IMMP2L: variants seen among roughly 807,000 people sequenced by gnomAD.
IMMP2L encodes the protein mitochondrial inner membrane protease subunit 2.
A neutral mutation model predicts 19.3 loss-of-function variants in IMMP2L; 18 were observed. That is an observed-to-expected ratio of 0.93 (90% CI 0.64 to 1.38). The LOEUF (loss-of-function observed/expected upper bound fraction) is 1.38. Ranked by LOEUF, IMMP2L falls within the 40% of genes most tolerant of loss-of-function variation. The probability of loss-of-function intolerance (pLI) is 0.00; values close to 1 mark genes in which losing one functional copy is unlikely to be tolerated. For synonymous variants in IMMP2L, 76 were observed against 73.0 expected, an observed-to-expected ratio of 1.04 and a Z score of -0.21; for missense variants, 233 against 218.2, an observed-to-expected ratio of 1.07 and a Z score of -0.43.
chr7:110,980,182 C>T (rs945915204), intron 3 of IMMP2L, among the ~76,000 whole-genome samples: 24 of 147,976 alleles, frequency 1.6e-4, no homozygotes, highest in African/African-American at 3.2e-4. Flanking sequence ...CTGCTTTGAA[C>T]TCTAATCCCA....
chr7:110,775,415 A>C (rs1799320028), intron 5 of IMMP2L, among the ~76,000 whole-genome samples: 1 of 152,012 alleles, frequency 6.6e-6, no homozygotes, highest in East Asian at 1.9e-4. Flanking sequence ...AATTCCAAGT[A>C]AATACTTGAT....
intron 3 of IMMP2L, among the ~76,000 whole-genome samples, chr7:111,042,144 C>G (rs1250452941): frequency 6.6e-6 from 1 of 151,982 alleles, no homozygotes; most frequent in Non-Finnish European, 1.5e-5. Flanking sequence ...AGTTGCATGT[C>G]CTGAGTTTTA....
intron 2 of IMMP2L, among the ~76,000 whole-genome samples, chr7:111,512,031 G>A (rs1845495703): frequency 1.3e-5 from 2 of 152,108 alleles, no homozygotes; most frequent in Admixed American, 6.6e-5. Context: ...CCACTATTAC[G>A]TATCTGCCCA....
chr7:111,287,863 A>C (rs1379015594), intron 3 of IMMP2L, among the ~76,000 whole-genome samples: 1 of 152,170 alleles, frequency 6.6e-6, no homozygotes, highest in African/African-American at 2.4e-5. Context: ...TAGTTGGACC[A>C]ACAGAAAGAA....
In IMMP2L at chr7:111,190,130, A is replaced by C. The variant is rs143026077; in HGVS notation, c.240-226565T>G. 5.1e-3 allele frequency among the ~76,000 whole-genome samples: 773 copies of C among 152,216 alleles called. 10 individuals carry two copies. The highest frequency in any genetic ancestry group is 0.018 in the African/African-American group (741 of 41,498). On this transcript the variant is annotated intron_variant, in intron 3 of 5. Transcript: ENST00000405709. ...CATACCATTTTTTACACTAAATTAAATGTCTCACCAATAGCTAAAATCACT... is the reference window on the plus strand; with the variant it reads ...CATACCATTTTTTACACTAAATTAACTGTCTCACCAATAGCTAAAATCACT...
chr7:111,034,946 T>C (rs1791189064), intron 3 of IMMP2L, among the ~76,000 whole-genome samples: 1 of 152,182 alleles, frequency 6.6e-6, no homozygotes, highest in Admixed American at 6.5e-5. Flanking sequence ...TTCAACTTTA[T>C]TAAACTTCAC....
chr7:111,121,589 A>G (rs1166089283), intron 3 of IMMP2L, among the ~76,000 whole-genome samples: 2 of 152,128 alleles, frequency 1.3e-5, no homozygotes, highest in African/African-American at 2.4e-5. Context: ...AACAGCTGCT[A>G]GAGAGGATGT....
At chr7:111,551,418 G>C (rs931065350) in intron 1 of IMMP2L, among the ~76,000 whole-genome samples, 8 of 151,750 alleles carry the variant, frequency 5.3e-5, no homozygotes, top group African/African-American at 1.9e-4. Context: ...TATACCTAAC[G>C]TACTATGTAT....
intron 3 of IMMP2L, among the ~76,000 whole-genome samples, chr7:111,454,878 A>G (rs1839549655): frequency 6.6e-6 from 1 of 152,130 alleles, no homozygotes. Flanking sequence ...ATAAGAAAAC[A>G]TCAGGTAATC....
intron 5 of IMMP2L, among the ~76,000 whole-genome samples, chr7:110,827,839 A>G (rs1803642808): frequency 1.3e-5 from 2 of 152,182 alleles, no homozygotes; most frequent in African/African-American, 2.4e-5. Context: ...CATCAAGAAT[A>G]TATTATGAAG....
intron 3 of IMMP2L, among the ~76,000 whole-genome samples, chr7:111,194,845 G>A (rs1186852850): frequency 1.3e-5 from 2 of 152,010 alleles, no homozygotes; most frequent in African/African-American, 2.4e-5. Context: ...GCTCTACCCA[G>A]TATCAACTTC....
chr7:111,531,009 T>G (rs1182386976), intron 1 of IMMP2L, among the ~76,000 whole-genome samples: 4 of 151,040 alleles, frequency 2.6e-5, no homozygotes, highest in Non-Finnish European at 5.9e-5. Context: ...CAGGCTGGAG[T>G]GCAGTGGTGT....
intron 3 of IMMP2L, among the ~76,000 whole-genome samples, chr7:111,153,987 C>T (rs773724265): frequency 1.4e-4 from 22 of 152,060 alleles, no homozygotes; most frequent in Admixed American, 7.2e-4. Flanking sequence ...AGAGTCTTCA[C>T]ATTTCATCAA....
chr7:111,191,976 T>C (rs566816549), intron 3 of IMMP2L, among the ~76,000 whole-genome samples: 1 of 152,054 alleles, frequency 6.6e-6, no homozygotes, highest in South Asian at 2.1e-4. Context: ...CATGGAAATC[T>C]GTGGTTATCA....
At chr7:111,395,415 G>A (rs1323193596) in intron 3 of IMMP2L, among the ~76,000 whole-genome samples, 1 of 152,092 alleles carries the variant, frequency 6.6e-6, no homozygotes, top group Non-Finnish European at 1.5e-5. Flanking sequence ...ATTACTACAT[G>A]AACTCAGTTT....
chr7:111,179,356 T>A (rs1807444816), intron 3 of IMMP2L, among the ~76,000 whole-genome samples: 1 of 152,114 alleles, frequency 6.6e-6, no homozygotes, highest in African/African-American at 2.4e-5. Context: ...TAAACTTTCT[T>A]AAAACATTAT....
At chr7:110,732,977 G>C (rs901323860) in intron 5 of IMMP2L, among the ~76,000 whole-genome samples, 2 of 151,894 alleles carry the variant, frequency 1.3e-5, no homozygotes, top group African/African-American at 2.4e-5. Context: ...CTGTAGAGAG[G>C]GGGTCTCACT....
intron 3 of IMMP2L, among the ~76,000 whole-genome samples, chr7:111,160,487 T>G (rs1057287490): frequency 1.2e-4 from 18 of 151,938 alleles, no homozygotes; most frequent in African/African-American, 4.1e-4. Flanking sequence ...TAAGTCATTT[T>G]GCATATAAGT....
chr7:111,051,312 C>A (rs369888078), intron 3 of IMMP2L, among the ~76,000 whole-genome samples: 98 of 152,168 alleles, frequency 6.4e-4, no homozygotes, highest in African/African-American at 2.2e-3. Flanking sequence ...TATTTTGTTT[C>A]TGAGACCACT....
Sources: gnomAD v4.1 joint callset for allele counts (sites outside exome capture counted in the v4.1 genomes callset) on GRCh38, gnomAD v4.1.1 for gene constraint, MANE v1.5 for transcripts, NCBI Gene and HGNC (gene_info 2026-07-23, HGNC 2026-07-21) for gene names.